The following YIPF4 variants were observed in gnomAD, a reference collection of about 807,000 sequenced individuals.
YIPF4 encodes protein YIPF4.
In YIPF4, 18 loss-of-function variants were observed where a neutral mutation model predicts 29.4. The ratio of observed to expected loss-of-function variants is 0.61; its 90% CI spans 0.42 to 0.91. YIPF4 has a LOEUF of 0.91. Ranked by LOEUF, YIPF4 falls within the 40% of genes least tolerant of loss-of-function variation. The probability of loss-of-function intolerance (pLI) is 0.00; values close to 1 mark genes in which losing one functional copy is unlikely to be tolerated. For missense variants in YIPF4, 279 were observed against 282.7 expected (o/e 0.99, Z 0.09); for synonymous variants, 115 against 104.7 (o/e 1.10, Z -0.60).
chr2:32,289,665 G>C (rs754987525), intron 1 of YIPF4, among the ~76,000 whole-genome samples: 15 of 152,122 alleles, frequency 9.9e-5, no homozygotes, highest in Non-Finnish European at 1.9e-4. Flanking sequence ...TTTTTAACTA[G>C]CAAAGATGGC....
chr2:32,306,162 T>G lies in YIPF4; in HGVS notation c.*536T>G. The G allele has an allele frequency of 1.2e-6, 1 of 824,430 alleles. No homozygotes were observed. Among genetic ancestry groups the G allele is most frequent in the Non-Finnish European group, 1.5e-6 (1 of 683,318 alleles). 51.1% of individuals were successfully genotyped at this position (824,430 alleles called of 1,614,324 possible). ...ACTTTTTAATTTGGCCATTAATCTT[T>G]TTTATTTAAAAATTTAAATTTGTTT... On this transcript the variant is annotated 3_prime_UTR_variant, in exon 6 of 6. Coordinates refer to ENST00000238831, the MANE Select transcript of YIPF4 (RefSeq NM_032312.4).
At chr2:32,295,402 C>G (rs2031139444) in intron 3 of YIPF4, among the ~76,000 whole-genome samples, 1 of 152,088 alleles carries the variant, frequency 6.6e-6, no homozygotes, top group African/African-American at 2.4e-5. Flanking sequence ...TTCTGGATGT[C>G]AGGAGTCCAA....
intron 1 of YIPF4, among the ~76,000 whole-genome samples, chr2:32,279,618 C>T (rs1434396591): frequency 1.4e-5 from 2 of 148,032 alleles, no homozygotes; most frequent in Non-Finnish European, 3.0e-5. Context: ...ATAGTGTTAG[C>T]CAGGATGGTC....
chr2:32,286,015 A>C (rs2030655291), intron 1 of YIPF4, among the ~76,000 whole-genome samples: 1 of 152,196 alleles, frequency 6.6e-6, no homozygotes, highest in South Asian at 2.1e-4. Flanking sequence ...TCCTTTTTGA[A>C]AACTGAAAAT....
At position 32,278,283 on chromosome 2, in the gene YIPF4, C is replaced by T. The variant is rs376164242; in HGVS notation, c.79+49C>T. ...CTATCACCCGGAGGAAGCCAGGGCC[C>T]GACGCCGTAGGGTCTTTCTGGTGCC... is the stretch of plus-strand genomic sequence containing the variant. On this transcript the variant is annotated intron_variant, in intron 1 of 5. Coordinates refer to ENST00000238831, the MANE Select transcript of YIPF4 (RefSeq NM_032312.4). 741 of 1,509,698 alleles carry T rather than the reference C, an allele frequency of 4.9e-4. 2 individuals carry two copies. Among genetic ancestry groups the T allele is most frequent in the Non-Finnish European group, 5.1e-4 (574 of 1,123,116 alleles). 93.5% of individuals were successfully genotyped at this position (1,509,698 alleles called of 1,614,324 possible).
rs532328211 is a variant in YIPF4 at position 32,307,003 on chromosome 2, GGAAA to G, written c.*1386_*1389del. On this transcript the variant is annotated 3_prime_UTR_variant, in exon 6 of 6. Transcript: ENST00000238831. The stretch of plus-strand genomic sequence containing the variant: ...GTCTTCCTTTCCCCTAATCCCAAAA[GGAAA>G]GAAAGAAAAACTTATTTTAAGCTGC... The G allele has an allele frequency of 4.6e-3, 3,554 of 765,270 alleles. 14 individuals are homozygous for G. Among genetic ancestry groups the G allele is most frequent in the Non-Finnish European group, 5.8e-3 (3,179 of 545,260 alleles). 47.4% of individuals were successfully genotyped at this position (765,270 alleles called of 1,614,324 possible).
At chr2:32,305,119 T>C (rs1164582052) in intron 5 of YIPF4, among the ~76,000 whole-genome samples, 1 of 152,172 alleles carries the variant, frequency 6.6e-6, no homozygotes, top group East Asian at 1.9e-4. Flanking sequence ...TGCCTAATCA[T>C]AATCACCAGG....
chr2:32,282,422 A>G (rs2030461868), intron 1 of YIPF4, among the ~76,000 whole-genome samples: 1 of 152,072 alleles, frequency 6.6e-6, no homozygotes, highest in Admixed American at 6.6e-5. Context: ...TGGGCAAGCT[A>G]CTTACCTTTT....
chr2:32,295,720 C>T (rs1024518697), intron 3 of YIPF4, among the ~76,000 whole-genome samples: 9 of 152,184 alleles, frequency 5.9e-5, no homozygotes, highest in Admixed American at 3.9e-4. Context: ...TCTTCTGCCT[C>T]AGCCTCCTAC....
intron 1 of YIPF4, among the ~76,000 whole-genome samples, chr2:32,286,147 A>C (rs983791566): frequency 6.6e-6 from 1 of 152,234 alleles, no homozygotes; most frequent in Non-Finnish European, 1.5e-5. Context: ...AAATGTGATT[A>C]AATTGCATAG....
chr2:32,305,649 A>ATTATTC lies in YIPF4; in HGVS notation c.*23_*24insTTATTC. ...TGATCCAAGTTATACATGAATAGAAAAAGATGGTGTTAAATTTGTGTGTAG... is the reference window on the plus strand; with the variant it reads ...TGATCCAAGTTATACATGAATAGAAATTATTCAAGATGGTGTTAAATTTGTGTGTAG... On this transcript the variant is annotated 3_prime_UTR_variant, in exon 6 of 6. Coordinates refer to ENST00000238831, the MANE Select transcript of YIPF4 (RefSeq NM_032312.4). The ATTATTC allele has an allele frequency of 6.5e-7, 1 of 1,536,008 alleles. No individual in the cohort carries two copies. The highest frequency in any genetic ancestry group is 8.7e-7 in the Non-Finnish European group (1 of 1,144,674).
chr2:32,295,494 T>C (rs1372388383), intron 3 of YIPF4, among the ~76,000 whole-genome samples: 2 of 152,250 alleles, frequency 1.3e-5, no homozygotes, highest in Non-Finnish European at 2.9e-5. Context: ...GTTGCTTGTT[T>C]CTTTCACTTC....
intron 1 of YIPF4, among the ~76,000 whole-genome samples, chr2:32,279,378 A>G (rs1160415050): frequency 6.7e-6 from 1 of 150,018 alleles, no homozygotes; most frequent in African/African-American, 2.4e-5. Flanking sequence ...CAGTCTGAGA[A>G]AGAACCTAGA....
In YIPF4 at chr2:32,308,684, G is replaced by T. The variant is rs1282100996; in HGVS notation, c.*3058G>T. On this transcript the variant is annotated 3_prime_UTR_variant, in exon 6 of 6. Coordinates refer to ENST00000238831, the MANE Select transcript of YIPF4 (RefSeq NM_032312.4). ...GCTGAGATCGCGCCATTGCACTCCA[G>T]CCTGGGCAACAGGAGTGAAACTCCA... 3 of 153,666 alleles carry T rather than the reference G, an allele frequency of 2.0e-5. No individual in the cohort carries two copies. Among genetic ancestry groups the T allele is most frequent in the Non-Finnish European group, 4.3e-5 (3 of 69,294 alleles). The allele number at this position is 153,666 out of a possible 1,614,324, so 9.5% of individuals were successfully genotyped here.
chr2:32,280,982 C>T (rs535139743), intron 1 of YIPF4, among the ~76,000 whole-genome samples: 84 of 152,216 alleles, frequency 5.5e-4, no homozygotes, highest in African/African-American at 1.7e-3. Context: ...TCTCCCTTCC[C>T]TGAGGAATTA....
At chr2:32,293,864 C>T (rs1484659362) in intron 3 of YIPF4, among the ~76,000 whole-genome samples, 24 of 146,932 alleles carry the variant, frequency 1.6e-4, no homozygotes, top group Non-Finnish European at 2.1e-4. Flanking sequence ...ACCTCCCTCC[C>T]GGACGGGGCG....
chr2:32,286,477 C>T (rs1174274223), intron 1 of YIPF4, among the ~76,000 whole-genome samples: 8 of 152,042 alleles, frequency 5.3e-5, no homozygotes, highest in Non-Finnish European at 1.5e-5. Context: ...AGAAAAACTA[C>T]TAAAACCATA....
In YIPF4 at chr2:32,297,411, G is replaced by A. The variant is rs566938031; in HGVS notation, c.406-823G>A. ...GCTGGAATGACAGGCGTGAGCCACT[G>A]TGCCTGGCCAACCATTTCTTTAAGA... On this transcript the variant is annotated intron_variant, in intron 3 of 5. Coordinates refer to ENST00000238831, the MANE Select transcript of YIPF4 (RefSeq NM_032312.4). Among the ~76,000 whole-genome samples, 311 of 152,100 alleles carry A rather than the reference G, an allele frequency of 2.0e-3. 1 individual carries two copies. Among genetic ancestry groups the A allele is most frequent in the Non-Finnish European group, 3.9e-3 (265 of 67,970 alleles).
At chr2:32,278,301 C>G (rs1192215005) in intron 1 of YIPF4, 67 bp downstream of exon 1, 2 of 1,459,272 alleles carry the variant, frequency 1.4e-6, no homozygotes, top group South Asian at 2.6e-5. Context: ...TAGGGTCTTT[C>G]TGGTGCCGAG....
Sources: gnomAD v4.1 joint callset for allele counts (sites outside exome capture counted in the v4.1 genomes callset) on GRCh38, gnomAD v4.1.1 for gene constraint, MANE v1.5 for transcripts, NCBI Gene and HGNC (gene_info 2026-07-23, HGNC 2026-07-21) for gene names.